Variants in FLYWCH1 observed in about 807,000 individuals in gnomAD.
The protein encoded by FLYWCH1 is FLYWCH-type zinc finger-containing protein 1.
In FLYWCH1, 75 loss-of-function variants were observed where a neutral mutation model predicts 66.4. The observed-to-expected ratio is 1.13, with a 90% CI of 0.94 to 1.37. The LOEUF (loss-of-function observed/expected upper bound fraction) is 1.37, where lower values mean the gene tolerates loss of function less well. Among genes scored for constraint, FLYWCH1 ranks in the 40% most tolerant of loss-of-function variants. The pLI, the probability that FLYWCH1 is intolerant of heterozygous loss-of-function variation, is 0.00. For synonymous variants in FLYWCH1, 595 were observed against 429.9 expected, an observed-to-expected ratio of 1.38 and a Z score of -4.75; for missense variants, 1,334 against 1,001.8, an observed-to-expected ratio of 1.33 and a Z score of -4.48.
chr16:2,931,100 C>T (rs1225741094), intron 4 of FLYWCH1, among the ~76,000 whole-genome samples: 1 of 151,356 alleles, frequency 6.6e-6, no homozygotes, highest in African/African-American at 2.4e-5. Flanking sequence ...GTCAGGAGTT[C>T]GAGATCAGCC....
rs376054351 is a variant in FLYWCH1 at position 2,933,926 on chromosome 16, A to C, written c.1460A>C (p.Glu487Ala). Reference sequence around the variant, plus strand: ...CACCCGCCCGACCTGGGAGGCCTGGAGGCCCTGAGGCAGCGGGAGAAACGC... The same window carrying C: ...CACCCGCCCGACCTGGGAGGCCTGGCGGCCCTGAGGCAGCGGGAGAAACGC... ...HCHPPDLGGL[E>A]ALRQREKRPN... Residue 487 changes from glutamate to alanine, a missense_variant, in exon 6 of 10, where the codon GAG (glutamate) becomes GCG (alanine). Glu to Ala is a moderately radical substitution (Grantham distance 107). Transcript: ENST00000253928. 1.5e-5 allele frequency: 23 copies of C among 1,569,066 alleles called. No homozygotes were observed. Among genetic ancestry groups the C allele is most frequent in the Non-Finnish European group, 1.8e-5 (21 of 1,157,374 alleles).
chr16:2,916,538 G>A (rs1310942904), intron 2 of FLYWCH1, among the ~76,000 whole-genome samples: 3 of 151,676 alleles, frequency 2.0e-5, no homozygotes, highest in African/African-American at 7.3e-5. Context: ...TCTGGAGGCT[G>A]AGGCCGGAGA....
rs1348486795 is a variant in FLYWCH1, at chr16:2,920,489, G to A, written c.-74+6200G>A. 6.0e-5 allele frequency among the ~76,000 whole-genome samples: 9 copies of A among 150,552 alleles called. No homozygotes were observed. The Admixed American group carries it at 6.0e-4, about 10-fold the overall frequency. On this transcript the variant is annotated intron_variant, in intron 2 of 9. Coordinates refer to ENST00000253928, the MANE Select transcript of FLYWCH1 (RefSeq NM_001308068.2). ...AGATTACGCCATTGCACTCCAGCCTGGGTGGCCGTGAGACTCTGTCTTAAA... is the reference window on the plus strand; with the variant it reads ...AGATTACGCCATTGCACTCCAGCCTAGGTGGCCGTGAGACTCTGTCTTAAA...
intron 1 of FLYWCH1, among the ~76,000 whole-genome samples, chr16:2,912,611 G>C (rs192784370): frequency 6.6e-6 from 1 of 152,182 alleles, no homozygotes; most frequent in Non-Finnish European, 1.5e-5. Flanking sequence ...CCTTTTACGC[G>C]TGTACTCTGT....
chr16:2,929,785 A>ATCCC lies in FLYWCH1; in HGVS notation c.100_101insTCCC (p.Arg34IlefsTer20). ...CACGGACGTCATCCCGGCAGCCCCC[A>ATCCC]GGAAGCCCAGGGAGTTCTCCAAACT... On this transcript the variant is annotated frameshift_variant, in exon 3 of 10. Coordinates refer to ENST00000253928, the MANE Select transcript of FLYWCH1 (RefSeq NM_001308068.2). LOFTEE classifies it high-confidence loss of function. The ATCCC allele has an allele frequency of 6.2e-7, 1 of 1,613,868 alleles. No homozygotes were observed. The highest frequency in any genetic ancestry group is 8.5e-7 in the Non-Finnish European group (1 of 1,179,846).
Position 2,938,315 on chromosome 16 carries a change from C to T in FLYWCH1, c.1909C>T (p.Leu637=). 6.2e-7 allele frequency: 1 copy of T among 1,608,316 alleles called. No homozygotes were observed. Residue 637 remains leucine, a synonymous_variant, in exon 8 of 10, where the codon CTG becomes TTG. Coordinates refer to ENST00000253928, the MANE Select transcript of FLYWCH1 (RefSeq NM_001308068.2). ...CTGGATGTGCCGGGACCAGGCTCGG[C>T]TGGGCTGCCGCAGCCGCGCCATAAC... is the stretch of plus-strand genomic sequence containing the variant. ...VYWMCRDQAR[L]GCRSRAITQG... is the part of the protein sequence containing the mutation.
chr16:2,932,482 G>A (rs145807681), intron 4 of FLYWCH1, among the ~76,000 whole-genome samples: 155 of 152,128 alleles, frequency 1.0e-3, no homozygotes, highest in African/African-American at 3.5e-3. Context: ...AGTGGCAGAT[G>A]GGAGTTCTGG....
rs2071602541 is a variant in FLYWCH1, at chr16:2,949,145, T to G, written c.*418T>G. The G allele has an allele frequency of 1.0e-5, 2 of 193,388 alleles. No individual in the cohort carries two copies. The highest frequency in any genetic ancestry group is 1.9e-4 in the South Asian group (2 of 10,462). 12.0% of individuals were successfully genotyped at this position (193,388 alleles called of 1,614,324 possible). On this transcript the variant is annotated 3_prime_UTR_variant, in exon 10 of 10. Transcript: ENST00000253928. ...AAGTGAATGCTGCTGTCTTGGAGCC[T>G]GGGCACGTTTGGGGAAGTTCCTGCT... is the stretch of plus-strand genomic sequence containing the variant.
chr16:2,924,357 G>C (rs1377382911), intron 2 of FLYWCH1, among the ~76,000 whole-genome samples: 3 of 151,492 alleles, frequency 2.0e-5, no homozygotes, highest in African/African-American at 7.3e-5. Context: ...TAAAAAGCCA[G>C]AACCCACTAG....
intron 6 of FLYWCH1, chr16:2,936,877 G>A (rs752043301): frequency 6.2e-6 from 4 of 643,442 alleles, no homozygotes; most frequent in Non-Finnish European, 1.1e-5. Context: ...GGCATGGCAA[G>A]GTGGGACGCT....
intron 2 of FLYWCH1, among the ~76,000 whole-genome samples, chr16:2,919,323 T>C: frequency 6.6e-6 from 1 of 151,692 alleles, no homozygotes; most frequent in Admixed American, 6.6e-5. Flanking sequence ...TGGAGTACAG[T>C]GGTATGGTCT....
At chr16:2,925,587 G>GA (rs60523515) in intron 2 of FLYWCH1, among the ~76,000 whole-genome samples, 1 of 119,056 alleles carries the variant, frequency 8.4e-6, no homozygotes, top group African/African-American at 3.0e-5. Context: ...GGGGAGGGGG[G>GA]TACGGGGCTT....
intron 2 of FLYWCH1, among the ~76,000 whole-genome samples, chr16:2,921,927 G>A (rs1439013362): frequency 1.3e-5 from 2 of 152,038 alleles, no homozygotes; most frequent in Admixed American, 1.3e-4. Flanking sequence ...GCTAGGTGTG[G>A]TGGCGCGCGC....
chr16:2,939,839 C>A, intron 8 of FLYWCH1, 193 bp from the exon 9 acceptor site: 1 of 507,934 alleles, frequency 2.0e-6, no homozygotes, highest in Non-Finnish European at 3.4e-6. Flanking sequence ...AGCTGAAGGT[C>A]AACTCTTAGG....
chr16:2,944,673 A>G (rs1162803696), intron 9 of FLYWCH1, among the ~76,000 whole-genome samples: 1 of 151,498 alleles, frequency 6.6e-6, no homozygotes, highest in East Asian at 2.0e-4. Context: ...AAATACAAAA[A>G]TTAGCTAGGC....
intron 1 of FLYWCH1, among the ~76,000 whole-genome samples, chr16:2,913,927 C>T (rs950311556): frequency 1.3e-5 from 2 of 152,010 alleles, no homozygotes; most frequent in Non-Finnish European, 2.9e-5. Context: ...CTAGGCTGGT[C>T]TCGAACTCCT....
intron 2 of FLYWCH1, chr16:2,922,697 C>G (rs35374464): frequency 0.25 from 118,422 of 481,096 alleles, 16,045 homozygotes; most frequent in Admixed American, 0.36. Context: ...CCAAAGCATC[C>G]TGATCAGGAG....
intron 7 of FLYWCH1, 104 bp from the exon 8 acceptor site, chr16:2,938,080 A>T: frequency 8.7e-7 from 1 of 1,143,652 alleles, no homozygotes. Flanking sequence ...GTGCTAGGGG[A>T]TCGCAGATTC....
chr16:2,937,019 A>G (rs2071032887), intron 6 of FLYWCH1, 102 bp from the exon 7 acceptor site: 2 of 1,335,236 alleles, frequency 1.5e-6, no homozygotes, highest in African/African-American at 1.5e-5. Context: ...CCTCACTGTG[A>G]GGAGGAGGTG....
Sources: gnomAD v4.1 joint callset for allele counts (sites outside exome capture counted in the v4.1 genomes callset) on GRCh38, gnomAD v4.1.1 for gene constraint, MANE v1.5 for transcripts, NCBI Gene and HGNC (gene_info 2026-07-23, HGNC 2026-07-21) for gene names.